The following MAGI2 variants were observed in gnomAD, a reference collection of about 807,000 sequenced individuals.
MAGI2 encodes membrane-associated guanylate kinase, WW and PDZ domain-containing protein 2.
MAGI2 carries 35 observed loss-of-function variants against 133.3 expected under a neutral mutation model. That is an observed-to-expected ratio of 0.26 (90% confidence interval 0.20 to 0.35). The LOEUF (loss-of-function observed/expected upper bound fraction) is 0.35, where lower values mean the gene tolerates loss of function less well. MAGI2 is among the 10% of genes least tolerant of loss of function. The probability of loss-of-function intolerance (pLI) is 1.00; values close to 1 mark genes in which losing one functional copy is unlikely to be tolerated. For synonymous variants in MAGI2, 729 were observed against 710.6 expected (o/e 1.03, Z -0.41); for missense variants, 1,636 against 1,863.4 (o/e 0.88, Z 2.25).
rs117352845 is a variant in MAGI2 at position 79,200,972 on chromosome 7, G to A, written c.302-193766C>T. Among the ~76,000 whole-genome samples, 957 of 152,074 alleles carry A rather than the reference G, an allele frequency of 6.3e-3. 4 individuals are homozygous for A. The highest frequency in any genetic ancestry group is 0.011 in the Non-Finnish European group (747 of 68,020). ...GAGTAACACTCCTTACCTATTTTCTGTAGGGCCTAAAATGTCACGAGTACA... is the reference window on the plus strand; with the variant it reads ...GAGTAACACTCCTTACCTATTTTCTATAGGGCCTAAAATGTCACGAGTACA... On this transcript the variant is annotated intron_variant, in intron 1 of 21. Transcript: ENST00000354212.
At chr7:79,349,983 G>A (rs549424642) in intron 1 of MAGI2, among the ~76,000 whole-genome samples, 2 of 152,146 alleles carry the variant, frequency 1.3e-5, no homozygotes, top group South Asian at 4.1e-4. Context: ...TAAAACTAAA[G>A]ATGCACAGTC....
intron 1 of MAGI2, among the ~76,000 whole-genome samples, chr7:79,430,542 T>C (rs1183174034): frequency 2.0e-5 from 3 of 152,178 alleles, no homozygotes; most frequent in African/African-American, 7.2e-5. Flanking sequence ...TCTTGACTCC[T>C]TCTCAATTGC....
chr7:79,432,786 G>A lies in MAGI2; in HGVS notation c.301+20234C>T, dbSNP rs556178987. Among the ~76,000 whole-genome samples the A allele has an allele frequency of 1.2e-3, 177 of 152,320 alleles. 1 individual carries two copies. The highest frequency in any genetic ancestry group is 2.2e-3 in the Non-Finnish European group (148 of 68,030). On this transcript the variant is annotated intron_variant, in intron 1 of 21. Coordinates refer to ENST00000354212, the MANE Select transcript of MAGI2 (RefSeq NM_012301.4). ...AATAGGCAGAGTGAGGTGTGCGATG[G>A]TGATGATAAAGGTGGAGTGTCTTTG...
At chr7:79,264,278 C>T (rs1191671382) in intron 1 of MAGI2, among the ~76,000 whole-genome samples, 2 of 152,082 alleles carry the variant, frequency 1.3e-5, no homozygotes, top group Non-Finnish European at 2.9e-5. Flanking sequence ...AAACAAAATG[C>T]TTTTGGTTAT....
Position 79,267,948 on chromosome 7 carries a change from C to A in MAGI2, c.301+185072G>T, listed in dbSNP as rs558791185. ...TTGGAAATTAAATGGGACTGGAGGG[C>A]AGGCAATAGCTTCTGAAAAAGCCTA... On this transcript the variant is annotated intron_variant, in intron 1 of 21. Coordinates refer to ENST00000354212, the MANE Select transcript of MAGI2 (RefSeq NM_012301.4). Among the ~76,000 whole-genome samples, 5 of 152,208 alleles carry A rather than the reference C, an allele frequency of 3.3e-5. No homozygotes were observed. The South Asian group carries it at 1.0e-3, about 32-fold the overall frequency.
At chr7:78,142,122 G>C (rs1822824724) in intron 16 of MAGI2, among the ~76,000 whole-genome samples, 1 of 152,130 alleles carries the variant, frequency 6.6e-6, no homozygotes, top group Non-Finnish European at 1.5e-5. Flanking sequence ...CACATGGCTA[G>C]CTTCATGTGA....
intron 14 of MAGI2, among the ~76,000 whole-genome samples, chr7:78,177,789 C>T (rs1826799662): frequency 6.6e-6 from 1 of 151,986 alleles, no homozygotes. Context: ...GAGCAATGTC[C>T]CTATTGAATG....
At chr7:78,298,959 G>A (rs746472487) in intron 9 of MAGI2, among the ~76,000 whole-genome samples, 2 of 151,790 alleles carry the variant, frequency 1.3e-5, no homozygotes, top group Non-Finnish European at 2.9e-5. Context: ...GGGACCACAG[G>A]CGCACGCCAC....
intron 21 of MAGI2, among the ~76,000 whole-genome samples, chr7:78,062,244 CT>C (rs1813357827): frequency 6.6e-6 from 1 of 152,206 alleles, no homozygotes; most frequent in East Asian, 1.9e-4. Context: ...AGTAGAAGCT[CT>C]AGTTATCCGA....
intron 21 of MAGI2, among the ~76,000 whole-genome samples, chr7:78,062,597 C>A (rs1487571934): frequency 6.6e-6 from 1 of 152,218 alleles, no homozygotes; most frequent in Non-Finnish European, 1.5e-5. Context: ...TCTTCACCAA[C>A]TTCTCTTACT....
At chr7:79,234,286 T>G (rs1831668136) in intron 1 of MAGI2, among the ~76,000 whole-genome samples, 1 of 148,788 alleles carries the variant, frequency 6.7e-6, no homozygotes, top group Non-Finnish European at 1.5e-5. Context: ...GAGTTGCTCT[T>G]CTCGAGGAGT....
chr7:79,017,494 G>A (rs2116651730), intron 1 of MAGI2, among the ~76,000 whole-genome samples: 1 of 152,316 alleles, frequency 6.6e-6, no homozygotes, highest in Middle Eastern at 3.4e-3. Flanking sequence ...GAAAGAACCA[G>A]CACAAGAGCT....
chr7:78,071,627 G>A (rs1814717776), intron 21 of MAGI2, among the ~76,000 whole-genome samples: 1 of 152,128 alleles, frequency 6.6e-6, no homozygotes, highest in Non-Finnish European at 1.5e-5. Flanking sequence ...GATTTCCTGG[G>A]GTTGCCTACA....
chr7:78,800,275 T>G (rs1054907781), intron 2 of MAGI2, among the ~76,000 whole-genome samples: 1 of 152,114 alleles, frequency 6.6e-6, no homozygotes, highest in Non-Finnish European at 1.5e-5. Context: ...TTATTTTTAC[T>G]GACAATTCAA....
At chr7:78,840,820 A>C (rs1792074972) in intron 2 of MAGI2, among the ~76,000 whole-genome samples, 1 of 127,608 alleles carries the variant, frequency 7.8e-6, no homozygotes, top group Non-Finnish European at 1.7e-5. Context: ...AAATTATTAA[A>C]ACTTTCTGAA....
At chr7:78,938,085 G>C (rs1800659644) in intron 2 of MAGI2, among the ~76,000 whole-genome samples, 1 of 151,986 alleles carries the variant, frequency 6.6e-6, no homozygotes, top group Admixed American at 6.6e-5. Context: ...CTCTAGAGAT[G>C]GTGATGATAT....
intron 2 of MAGI2, among the ~76,000 whole-genome samples, chr7:78,961,857 AGATG>A (rs1011795952): frequency 5.3e-5 from 8 of 152,194 alleles, no homozygotes; most frequent in African/African-American, 1.9e-4. Flanking sequence ...ACACAAACCT[AGATG>A]GTATAGCCTA....
At position 78,404,511 on chromosome 7, in the gene MAGI2, A is replaced by G. The variant is rs141650603; in HGVS notation, c.1046-35298T>C. ...ACAGAACAGAGCCCTCAGAAATAAT[A>G]CCACATATCTACAACCACCTGATCT... On this transcript the variant is annotated intron_variant, in intron 6 of 21. Transcript: ENST00000354212. 7.7e-3 allele frequency among the ~76,000 whole-genome samples: 1,174 copies of G among 152,230 alleles called. 14 individuals carry two copies. Among genetic ancestry groups the G allele is most frequent in the African/African-American group, 0.026 (1,095 of 41,536 alleles).
At chr7:78,025,214 G>C (rs1290796538) in intron 21 of MAGI2, among the ~76,000 whole-genome samples, 1 of 152,128 alleles carries the variant, frequency 6.6e-6, no homozygotes, top group Non-Finnish European at 1.5e-5. Context: ...CTCTGCTGGA[G>C]GAAGGCTTCC....
Sources: allele counts gnomAD v4.1 joint callset (sites outside exome capture counted in the v4.1 genomes callset), GRCh38; gene constraint gnomAD v4.1.1; transcripts MANE v1.5; gene names NCBI Gene and HGNC (gene_info 2026-07-23, HGNC 2026-07-21).